Variants in DOCK9 observed in about 807,000 individuals in gnomAD.
DOCK9 encodes dedicator of cytokinesis 9.
A neutral mutation model predicts 263.3 loss-of-function variants in DOCK9; 89 were observed. That is an observed-to-expected ratio of 0.34 (90% CI 0.28 to 0.40). The LOEUF (loss-of-function observed/expected upper bound fraction) is 0.40, where lower values mean the gene tolerates loss of function less well. Among genes scored for constraint, DOCK9 ranks in the 10% least tolerant of loss-of-function variants. The pLI is 1.00. For missense variants in DOCK9, 2,140 were observed against 2,603.4 expected (o/e 0.82, Z 3.87); for synonymous variants, 976 against 973.1 (o/e 1.00, Z -0.06).
intron 7 of DOCK9, among the ~76,000 whole-genome samples, chr13:98,920,296 G>A (rs2051721766): frequency 6.6e-6 from 1 of 152,082 alleles, no homozygotes; most frequent in Non-Finnish European, 1.5e-5. Flanking sequence ...TGATATAAAA[G>A]TACAACAGCC....
intron 1 of DOCK9, among the ~76,000 whole-genome samples, chr13:98,955,968 T>A (rs1017060786): frequency 6.6e-6 from 1 of 152,238 alleles, no homozygotes; most frequent in African/African-American, 2.4e-5. Context: ...GGCCTAAATG[T>A]ATCCACAGGA....
At chr13:98,922,868 A>G (rs1302358277) in intron 5 of DOCK9, among the ~76,000 whole-genome samples, 1 of 152,204 alleles carries the variant, frequency 6.6e-6, no homozygotes, top group Non-Finnish European at 1.5e-5. Flanking sequence ...TTTAGCCATG[A>G]GCTTTCCTCT....
chr13:98,964,453 T>C (rs373794132), intron 1 of DOCK9, among the ~76,000 whole-genome samples: 1 of 152,128 alleles, frequency 6.6e-6, no homozygotes. Flanking sequence ...AGATTGAGGA[T>C]TCCCTGCAGA....
At chr13:98,845,506 G>A (rs2183093) in intron 38 of DOCK9, 4 of 466,084 alleles carry the variant, frequency 8.6e-6, no homozygotes, top group South Asian at 2.2e-5. Flanking sequence ...GAATGTGGAC[G>A]CTTGATCAAT....
chr13:98,936,613 C>T (rs2054872166), intron 2 of DOCK9, among the ~76,000 whole-genome samples: 1 of 136,778 alleles, frequency 7.3e-6, no homozygotes, highest in African/African-American at 2.7e-5. Flanking sequence ...GAGTGAGACA[C>T]TGTCTCAAAC....
intron 48 of DOCK9, among the ~76,000 whole-genome samples, chr13:98,806,399 A>C (rs2090710677): frequency 6.6e-6 from 1 of 152,258 alleles, no homozygotes; most frequent in Admixed American, 6.5e-5. Flanking sequence ...ACAAATCAAC[A>C]AATCAATTTT....
chr13:98,796,860 G>A (rs1238794330), intron 52 of DOCK9, among the ~76,000 whole-genome samples: 2 of 152,064 alleles, frequency 1.3e-5, no homozygotes, highest in East Asian at 3.9e-4. Context: ...AGAAAGCTTA[G>A]GAAACATGGC....
intron 48 of DOCK9, among the ~76,000 whole-genome samples, chr13:98,805,450 TC>T (rs975266867): frequency 6.6e-6 from 1 of 152,114 alleles, no homozygotes; most frequent in African/African-American, 2.4e-5. Context: ...CTTTTTTTTT[TC>T]CAGTAGAACC....
chr13:99,056,424 G>GA (rs943648797), intron 1 of DOCK9, among the ~76,000 whole-genome samples: 1 of 152,004 alleles, frequency 6.6e-6, no homozygotes, highest in African/African-American at 2.4e-5. Flanking sequence ...GTATTATAAA[G>GA]ATACATTAAT....
chr13:98,893,796 G>A (rs78757442), intron 15 of DOCK9, among the ~76,000 whole-genome samples: 4,398 of 152,238 alleles, frequency 0.029, 94 homozygotes, highest in Non-Finnish European at 0.043. Context: ...AATCCTCCAC[G>A]TCCCCTAACT....
chr13:98,811,615 C>T (rs902906948), intron 45 of DOCK9, among the ~76,000 whole-genome samples: 90 of 152,264 alleles, frequency 5.9e-4, no homozygotes, highest in Non-Finnish European at 4.3e-4. Context: ...TTTTGCCATG[C>T]TGGCAAGGCT....
intron 1 of DOCK9, among the ~76,000 whole-genome samples, chr13:98,965,122 G>A (rs1644715629): frequency 1.3e-5 from 2 of 152,282 alleles, no homozygotes; most frequent in African/African-American, 4.8e-5. Flanking sequence ...TGAGGCCGGA[G>A]TGGCAGGTAG....
At chr13:98,929,634 A>G (rs1170661340) in intron 3 of DOCK9, among the ~76,000 whole-genome samples, 1 of 151,880 alleles carries the variant, frequency 6.6e-6, no homozygotes, top group Non-Finnish European at 1.5e-5. Context: ...AATAATATTA[A>G]TCAATGTATC....
At chr13:98,982,811 C>T (rs1377525239), upstream of DOCK9, among the ~76,000 whole-genome samples, 1 of 152,170 alleles carries the variant, frequency 6.6e-6, no homozygotes, top group Non-Finnish European at 1.5e-5. Context: ...TTCACTACTA[C>T]TAAAAATAAA....
chr13:98,890,696 T>C (rs772015636), intron 15 of DOCK9, among the ~76,000 whole-genome samples: 3 of 152,218 alleles, frequency 2.0e-5, no homozygotes, highest in Non-Finnish European at 4.4e-5. Flanking sequence ...TGGACATGAC[T>C]GCTGACTATT....
intron 1 of DOCK9, among the ~76,000 whole-genome samples, chr13:98,997,597 T>C (rs1355918910): frequency 1.3e-5 from 2 of 152,240 alleles, no homozygotes; most frequent in Admixed American, 1.3e-4. Flanking sequence ...ATATCCTTTG[T>C]TGGTCTCTCA....
intron 1 of DOCK9, among the ~76,000 whole-genome samples, chr13:99,021,841 T>C (rs550372742): frequency 6.6e-6 from 1 of 151,980 alleles, no homozygotes; most frequent in Non-Finnish European, 1.5e-5. Flanking sequence ...AGTGAGAGCA[T>C]TAGGACAAAT....
chr13:98,830,047 G>C (rs1200774720), intron 41 of DOCK9, among the ~76,000 whole-genome samples: 2 of 152,224 alleles, frequency 1.3e-5, no homozygotes, highest in Non-Finnish European at 2.9e-5. Context: ...CACTTGGATA[G>C]TTACTTACCT....
At chr13:99,030,761 T>C (rs1887248992) in intron 1 of DOCK9, among the ~76,000 whole-genome samples, 2 of 152,156 alleles carry the variant, frequency 1.3e-5, no homozygotes, top group Non-Finnish European at 2.9e-5. Context: ...ATCACTGAAA[T>C]TGTGCTTGAC....
Sources: gnomAD v4.1 joint callset for allele counts (sites outside exome capture counted in the v4.1 genomes callset) on GRCh38, gnomAD v4.1.1 for gene constraint, MANE v1.5 for transcripts, NCBI Gene and HGNC (gene_info 2026-07-23, HGNC 2026-07-21) for gene names.